The following GALNTL5 variants were observed in gnomAD, a reference collection of about 807,000 sequenced individuals.
GALNTL5 encodes the protein polypeptide N-acetylgalactosaminyltransferase like 5.
In GALNTL5, 44 loss-of-function variants were observed where a neutral mutation model predicts 51.0. That is an observed-to-expected ratio of 0.86 (90% CI 0.68 to 1.11). The LOEUF is 1.11. Ranked by LOEUF, GALNTL5 falls within the 50% of genes least tolerant of loss-of-function variation. The pLI is 0.00. For synonymous variants in GALNTL5, 192 were observed against 182.8 expected, an observed-to-expected ratio of 1.05 and a Z score of -0.41; for missense variants, 528 against 531.8, an observed-to-expected ratio of 0.99 and a Z score of 0.07.
intron 4 of GALNTL5, 122 bp from the exon 5 acceptor site, chr7:151,987,037 C>T: frequency 1.1e-6 from 1 of 874,302 alleles, no homozygotes; most frequent in Admixed American, 3.7e-5. Context: ...CCAAAATTCT[C>T]TTTTAAAGTT....
At position 151,959,338 on chromosome 7, in the gene GALNTL5, G is replaced by A. The variant is rs149334813; in HGVS notation, c.-40+2729G>A. Among the ~76,000 whole-genome samples, 1,395 of 152,076 alleles carry A rather than the reference G, an allele frequency of 9.2e-3. 27 individuals are homozygous for A. The highest frequency in any genetic ancestry group is 0.03 in the African/African-American group (1,251 of 41,466). ...TTTAGATATTTAATAGGGAGATATG[G>A]TGGTAATGTAAATTAAAACAGCTTT... On this transcript the variant is annotated intron_variant, in intron 1 of 8. Transcript: ENST00000392800.
At chr7:151,972,540 T>G (rs1311183437) in intron 3 of GALNTL5, among the ~76,000 whole-genome samples, 1 of 152,144 alleles carries the variant, frequency 6.6e-6, no homozygotes, top group Non-Finnish European at 1.5e-5. Context: ...CCCAGAGGCC[T>G]AGAAGGAAAA....
chr7:152,010,782 AT>A (rs60861751), intron 7 of GALNTL5, among the ~76,000 whole-genome samples: 7,130 of 88,908 alleles, frequency 0.08, 548 homozygotes, highest in African/African-American at 0.18. Flanking sequence ...AAAAAAAAAA[AT>A]TATTTTTGAT....
chr7:152,010,315 G>A (rs2081714408), intron 7 of GALNTL5, among the ~76,000 whole-genome samples: 2 of 152,048 alleles, frequency 1.3e-5, no homozygotes, highest in Admixed American at 1.3e-4. Context: ...GTTTCACCAT[G>A]TTGGCCAGGA....
At chr7:151,988,037 T>C (rs1307782072) in intron 5 of GALNTL5, among the ~76,000 whole-genome samples, 1 of 152,142 alleles carries the variant, frequency 6.6e-6, no homozygotes, top group Admixed American at 6.5e-5. Context: ...AGCACTCAAA[T>C]CCGTCCCCTG....
chr7:151,972,717 G>A (rs1487076109), intron 3 of GALNTL5, among the ~76,000 whole-genome samples: 1 of 152,198 alleles, frequency 6.6e-6, no homozygotes, highest in Non-Finnish European at 1.5e-5. Flanking sequence ...GCTTCCATGT[G>A]GTATTGGGCC....
At chr7:151,979,106 CTTTT>C (rs397888897) in intron 3 of GALNTL5, among the ~76,000 whole-genome samples, 4 of 71,160 alleles carry the variant, frequency 5.6e-5, no homozygotes, top group Admixed American at 3.8e-4. Context: ...TACTTTTACT[CTTTT>C]TTTTTTTTTT....
At chr7:152,006,949 G>A (rs953982533) in intron 6 of GALNTL5, among the ~76,000 whole-genome samples, 15 of 151,882 alleles carry the variant, frequency 9.9e-5, no homozygotes, top group Admixed American at 5.3e-4. Context: ...TGTATTTTTC[G>A]TAGAGATGGG....
In GALNTL5 at chr7:151,967,402, G is replaced by A. The variant is rs764741980; in HGVS notation, c.156G>A (p.Val52=). ...CAGCTTGGTCCCCTGGAAAAAAAGT[G>A]CATCAGCAAATTATCTATGGCTCAG... ...PLSAWSPGKK[V]HQQIIYGSEQ... Residue 52 remains valine, a synonymous_variant, in exon 2 of 9, where the codon GTG becomes GTA. Coordinates refer to ENST00000392800, the MANE Select transcript of GALNTL5 (RefSeq NM_145292.4). 5 of 1,613,940 alleles carry A rather than the reference G, an allele frequency of 3.1e-6. No individual in the cohort carries two copies. The South Asian group carries it at 3.3e-5, about 11-fold the overall frequency.
intron 5 of GALNTL5, among the ~76,000 whole-genome samples, chr7:152,001,120 C>A (rs1467038901): frequency 6.6e-6 from 1 of 151,148 alleles, no homozygotes; most frequent in Non-Finnish European, 1.5e-5. Context: ...GCTATGTTGG[C>A]CAGGCTGGTC....
At chr7:152,010,651 C>T (rs1339763894) in intron 7 of GALNTL5, among the ~76,000 whole-genome samples, 1 of 151,736 alleles carries the variant, frequency 6.6e-6, no homozygotes, top group Non-Finnish European at 1.5e-5. Flanking sequence ...GTCTGTAATC[C>T]CAGCTACTCA....
chr7:152,007,892 A>G lies in GALNTL5; in HGVS notation c.974A>G (p.Tyr325Cys). ...CATTATTTTAATGAAATTGGACAGTATGACAAGGATATGGATTTTTGGGGA... is the reference window on the plus strand; with the variant it reads ...CATTATTTTAATGAAATTGGACAGTGTGACAAGGATATGGATTTTTGGGGA... ...RRHYFNEIGQYDKDMDFWGRE... is the reference protein window; with the variant it reads ...RRHYFNEIGQCDKDMDFWGRE... Residue 325 changes from tyrosine to cysteine, a missense_variant, in exon 7 of 9, where the codon TAT becomes TGT. Physicochemically the swap from Tyr to Cys is radical, Grantham distance 194. Transcript: ENST00000392800. The G allele has an allele frequency of 1.2e-6, 2 of 1,612,866 alleles. No individual in the cohort carries two copies. The highest frequency in any genetic ancestry group is 1.7e-6 in the Non-Finnish European group (2 of 1,179,190).
intron 5 of GALNTL5, among the ~76,000 whole-genome samples, chr7:151,993,365 A>G (rs1405146662): frequency 6.6e-6 from 1 of 152,214 alleles, no homozygotes; most frequent in Non-Finnish European, 1.5e-5. Flanking sequence ...TACATAAGAC[A>G]GAGATTGACT....
rs1345490798 is a variant in GALNTL5, at chr7:151,987,219, TAAG to T, written c.599_601del (p.Arg200del). On this transcript the variant is annotated inframe_deletion, in exon 5 of 9. Coordinates refer to ENST00000392800, the MANE Select transcript of GALNTL5 (RefSeq NM_145292.4). ...ACTTTTCGGGGAAAGGTTAAAATAA[TAAG>T]AAACAAAAAGAGAGAGGGGCTGATT... 1.3e-6 allele frequency: 2 copies of T among 1,599,018 alleles called. No homozygotes were observed. Among genetic ancestry groups the T allele is most frequent in the African/African-American group, 1.4e-5 (1 of 73,840 alleles).
intron 7 of GALNTL5, among the ~76,000 whole-genome samples, 194 bp downstream of exon 7, chr7:152,008,138 G>A (rs2081675239): frequency 6.6e-6 from 1 of 152,024 alleles, no homozygotes; most frequent in East Asian, 2.0e-4. Flanking sequence ...TCTTGGCCTG[G>A]TGTGGTGGCT....
intron 7 of GALNTL5, among the ~76,000 whole-genome samples, chr7:152,012,753 G>A (rs554579729): frequency 6.6e-6 from 1 of 152,232 alleles, no homozygotes; most frequent in African/African-American, 2.4e-5. Context: ...GATCACTTGA[G>A]GTCAGAAGTT....
chr7:152,002,658 A>G, intron 5 of GALNTL5, 56 bp from the exon 6 acceptor site: 1 of 1,580,736 alleles, frequency 6.3e-7, no homozygotes, highest in Non-Finnish European at 8.6e-7. Context: ...TTTGATTTGG[A>G]TTGCCGTATT....
intron 1 of GALNTL5, among the ~76,000 whole-genome samples, chr7:151,957,529 G>A (rs2888800): frequency 0.23 from 34,594 of 147,938 alleles, 4,804 homozygotes; most frequent in African/African-American, 0.35. Context: ...AACCTGGGCA[G>A]CAGAGCGAGA....
chr7:152,009,381 T>C (rs753415632), intron 7 of GALNTL5, among the ~76,000 whole-genome samples: 1 of 152,234 alleles, frequency 6.6e-6, no homozygotes, highest in Non-Finnish European at 1.5e-5. Context: ...TCTGAGGTCA[T>C]TGCAGCATCT....
Sources: allele counts gnomAD v4.1 joint callset (sites outside exome capture counted in the v4.1 genomes callset), GRCh38; gene constraint gnomAD v4.1.1; transcripts MANE v1.5; gene names NCBI Gene and HGNC (gene_info 2026-07-23, HGNC 2026-07-21).